RCAN2: variants seen among roughly 807,000 people sequenced by gnomAD.
The protein encoded by RCAN2 is calcipressin-2.
Under a neutral mutation model 23.6 loss-of-function variants are expected in RCAN2, and 9 were observed. The ratio of observed to expected loss-of-function variants is 0.38; its 90% CI spans 0.23 to 0.67. RCAN2 has a LOEUF of 0.67. Ranked by LOEUF, RCAN2 falls within the 30% of genes least tolerant of loss-of-function variation. RCAN2 has a pLI of 0.51. For missense variants in RCAN2, 273 were observed against 302.3 expected, an observed-to-expected ratio of 0.90 and a Z score of 0.72; for synonymous variants, 109 against 115.7, an observed-to-expected ratio of 0.94 and a Z score of 0.37.
Position 46,291,534 on chromosome 6 carries a change from G to A in RCAN2, c.226-42638C>T, listed in dbSNP as rs1483216650. 5.9e-5 allele frequency among the ~76,000 whole-genome samples: 9 copies of A among 152,160 alleles called. No individual in the cohort carries two copies. In the East Asian group the frequency reaches 1.7e-3, roughly 29 times the overall value. ...AGGCACTGCAGGGCTTTGATTGGAA[G>A]CTCAGAGTGGAGAGTGCTTTAGGAA... is the stretch of plus-strand genomic sequence containing the variant. On this transcript the variant is annotated intron_variant, in intron 2 of 4. Transcript: ENST00000371374.
At chr6:46,457,360 A>G (rs774829340) in intron 1 of RCAN2, among the ~76,000 whole-genome samples, 2 of 152,192 alleles carry the variant, frequency 1.3e-5, no homozygotes, top group Non-Finnish European at 2.9e-5. Flanking sequence ...ACCTTATTTA[A>G]TCTCCACAAT....
chr6:46,420,255 C>A (rs1324407746), intron 2 of RCAN2, among the ~76,000 whole-genome samples: 2 of 151,358 alleles, frequency 1.3e-5, no homozygotes, highest in East Asian at 1.9e-4. Context: ...CCATGCAAGA[C>A]AATTAAATTG....
chr6:46,413,238 G>T (rs1413360888), intron 2 of RCAN2, among the ~76,000 whole-genome samples: 2 of 152,178 alleles, frequency 1.3e-5, no homozygotes, highest in Non-Finnish European at 2.9e-5. Context: ...TTTAATGAAA[G>T]GTTCTCAGAG....
At chr6:46,420,544 CTT>C (rs965214233) in intron 2 of RCAN2, among the ~76,000 whole-genome samples, 25 of 138,474 alleles carry the variant, frequency 1.8e-4, no homozygotes, top group Admixed American at 2.2e-4. Flanking sequence ...TTCTGATTAA[CTT>C]TTTTTTTTTT....
chr6:46,473,636 A>T (rs188716818), intron 1 of RCAN2, among the ~76,000 whole-genome samples: 29 of 152,358 alleles, frequency 1.9e-4, no homozygotes, highest in Non-Finnish European at 3.5e-4. Flanking sequence ...GTATTTTCAT[A>T]GAGAAAACTA....
At chr6:46,283,061 A>T (rs910784912) in intron 2 of RCAN2, among the ~76,000 whole-genome samples, 1 of 152,170 alleles carries the variant, frequency 6.6e-6, no homozygotes, top group African/African-American at 2.4e-5. Flanking sequence ...GCCTTTACTG[A>T]CTGAATGATG....
At chr6:46,431,977 A>G (rs1767224399) in intron 2 of RCAN2, among the ~76,000 whole-genome samples, 2 of 152,236 alleles carry the variant, frequency 1.3e-5, no homozygotes. Context: ...GATATATTGA[A>G]GATCAAATAT....
At chr6:46,311,221 C>T (rs1024898039) in intron 2 of RCAN2, among the ~76,000 whole-genome samples, 13 of 152,166 alleles carry the variant, frequency 8.5e-5, no homozygotes, top group Non-Finnish European at 1.5e-4. Flanking sequence ...GAAGACTACA[C>T]CCAGTGCTCT....
At chr6:46,337,024 G>T (rs141229361) in intron 2 of RCAN2, among the ~76,000 whole-genome samples, 3 of 151,532 alleles carry the variant, frequency 2.0e-5, no homozygotes, top group Non-Finnish European at 4.4e-5. Context: ...GTAGATCATG[G>T]TAACTGTAAC....
intron 1 of RCAN2, among the ~76,000 whole-genome samples, chr6:46,489,431 AATT>A (rs2150451884): frequency 6.6e-6 from 1 of 152,368 alleles, no homozygotes; most frequent in African/African-American, 2.4e-5. Flanking sequence ...CTCAACAAAT[AATT>A]ATTGAATTGA....
intron 1 of RCAN2, among the ~76,000 whole-genome samples, chr6:46,475,754 G>A (rs145539364): frequency 0.026 from 4,014 of 152,206 alleles, 132 homozygotes; most frequent in Non-Finnish European, 0.03. Flanking sequence ...TCTAATACTG[G>A]AAGTCAGGAG....
intron 2 of RCAN2, among the ~76,000 whole-genome samples, chr6:46,268,077 T>G (rs1210268073): frequency 6.6e-6 from 1 of 152,196 alleles, no homozygotes; most frequent in African/African-American, 2.4e-5. Context: ...ACAAGAACAG[T>G]TAGTGACTCT....
intron 2 of RCAN2, among the ~76,000 whole-genome samples, chr6:46,357,719 T>C (rs555152221): frequency 2.0e-3 from 303 of 152,296 alleles, no homozygotes; most frequent in African/African-American, 7.0e-3. Context: ...AGCTAGTACA[T>C]GTTGAAGCTG....
chr6:46,249,547 G>A (rs959439311), intron 2 of RCAN2, among the ~76,000 whole-genome samples: 3 of 151,690 alleles, frequency 2.0e-5, no homozygotes, highest in Admixed American at 6.6e-5. Flanking sequence ...CTCGAACTCC[G>A]GACCTCAAGT....
At chr6:46,383,767 T>C (rs1765670841) in intron 2 of RCAN2, among the ~76,000 whole-genome samples, 1 of 152,236 alleles carries the variant, frequency 6.6e-6, no homozygotes, top group East Asian at 1.9e-4. Context: ...AACATTTTAA[T>C]TATCACAGAA....
At chr6:46,357,546 T>C (rs372290862) in intron 2 of RCAN2, among the ~76,000 whole-genome samples, 1 of 152,224 alleles carries the variant, frequency 6.6e-6, no homozygotes, top group African/African-American at 2.4e-5. Flanking sequence ...TAATAAGACA[T>C]CAAACATTTA....
At chr6:46,339,774 G>A (rs1387814317) in intron 2 of RCAN2, among the ~76,000 whole-genome samples, 11 of 151,966 alleles carry the variant, frequency 7.2e-5, no homozygotes, top group African/African-American at 2.4e-4. Context: ...ACTATTGTCC[G>A]TGAAAATAGA....
chr6:46,412,285 G>A (rs1347964701), intron 2 of RCAN2, among the ~76,000 whole-genome samples: 2 of 152,156 alleles, frequency 1.3e-5, no homozygotes, highest in Non-Finnish European at 2.9e-5. Flanking sequence ...CGAGCTTTCT[G>A]GTGGGATATC....
intron 2 of RCAN2, among the ~76,000 whole-genome samples, chr6:46,409,051 C>G (rs548885586): frequency 6.6e-6 from 1 of 152,148 alleles, no homozygotes; most frequent in Non-Finnish European, 1.5e-5. Context: ...TTAAATTATA[C>G]TAATAAAATA....
Sources: allele counts gnomAD v4.1 joint callset (sites outside exome capture counted in the v4.1 genomes callset), GRCh38; gene constraint gnomAD v4.1.1; transcripts MANE v1.5; gene names NCBI Gene and HGNC (gene_info 2026-07-23, HGNC 2026-07-21).